The following DDR2 variants were observed in gnomAD, a reference collection of about 807,000 sequenced individuals.
DDR2 encodes the protein discoidin domain receptor tyrosine kinase 2, also known as discoidin domain-containing receptor 2.
Under a neutral mutation model 94.9 loss-of-function variants are expected in DDR2, and 27 were observed. That is an observed-to-expected ratio of 0.28 (90% CI 0.21 to 0.39). The LOEUF (loss-of-function observed/expected upper bound fraction) is 0.39. Among genes scored for constraint, DDR2 ranks in the 10% least tolerant of loss-of-function variants. The pLI, the probability that DDR2 is intolerant of heterozygous loss-of-function variation, is 1.00. For missense variants in DDR2, 783 were observed against 1,076.0 expected, an observed-to-expected ratio of 0.73 and a Z score of 3.81; for synonymous variants, 382 against 377.2, an observed-to-expected ratio of 1.01 and a Z score of -0.15.
intron 2 of DDR2, among the ~76,000 whole-genome samples, chr1:162,712,177 A>G (rs1660947495): frequency 6.7e-6 from 1 of 149,354 alleles, no homozygotes; most frequent in Non-Finnish European, 1.5e-5. Flanking sequence ...ATATGGTGTC[A>G]TGTGTGTACA....
chr1:162,739,265 A>G (rs1464273163), intron 3 of DDR2, among the ~76,000 whole-genome samples: 1 of 151,524 alleles, frequency 6.6e-6, no homozygotes, highest in Non-Finnish European at 1.5e-5. Context: ...TTTACAAGAA[A>G]AAAACAAACA....
chr1:162,700,073 C>CT (rs1296245134), intron 2 of DDR2, among the ~76,000 whole-genome samples: 1 of 152,208 alleles, frequency 6.6e-6, no homozygotes, highest in African/African-American at 2.4e-5. Flanking sequence ...GGTAGTTACT[C>CT]ATGAGAGAGC....
rs771256890 is a variant in DDR2 at position 162,770,531 on chromosome 1, G to T, written c.1504+19G>T. ...GAGTCAGGTGAGGATGATGTGGTGGGCAGGGTGTCAAGGGAGAAACCTCAG... is the reference window on the plus strand; with the variant it reads ...GAGTCAGGTGAGGATGATGTGGTGGTCAGGGTGTCAAGGGAGAAACCTCAG... On this transcript the variant is annotated intron_variant, in intron 12 of 17. Coordinates refer to ENST00000367921, the MANE Select transcript of DDR2 (RefSeq NM_006182.4). 3.1e-6 allele frequency: 5 copies of T among 1,612,806 alleles called. No individual in the cohort carries two copies. The highest frequency in any genetic ancestry group is 1.7e-6 in the Non-Finnish European group (2 of 1,178,980).
intron 2 of DDR2, among the ~76,000 whole-genome samples, chr1:162,656,833 G>GTTGTTTT (rs1657990644): frequency 3.0e-5 from 2 of 65,682 alleles, no homozygotes; most frequent in African/African-American, 9.8e-5. Context: ...TGCCACTGGA[G>GTTGTTTT]TTTTTTTTTT....
At chr1:162,740,886 G>C (rs1182470029) in intron 3 of DDR2, among the ~76,000 whole-genome samples, 1 of 152,094 alleles carries the variant, frequency 6.6e-6, no homozygotes, top group East Asian at 1.9e-4. Context: ...GAAGACACTA[G>C]AGAACAGCTC....
chr1:162,705,312 G>A (rs1376270384), intron 2 of DDR2, among the ~76,000 whole-genome samples: 5 of 152,294 alleles, frequency 3.3e-5, no homozygotes, highest in Admixed American at 2.0e-4. Flanking sequence ...TTCCAGCTAC[G>A]AGCCAATGGA....
At chr1:162,711,906 G>C (rs1660934008) in intron 2 of DDR2, among the ~76,000 whole-genome samples, 1 of 152,002 alleles carries the variant, frequency 6.6e-6, no homozygotes, top group Admixed American at 6.6e-5. Context: ...TTGCAGTAGG[G>C]CTTGTGTTTT....
intron 13 of DDR2, 126 bp from the exon 14 acceptor site, chr1:162,773,343 T>C (rs1289190391): frequency 7.9e-7 from 1 of 1,273,598 alleles, no homozygotes; most frequent in Non-Finnish European, 1.1e-6. Context: ...ACATATCTTC[T>C]TATTGGTCTT....
At chr1:162,686,186 C>T (rs1483224828) in intron 2 of DDR2, among the ~76,000 whole-genome samples, 1 of 147,976 alleles carries the variant, frequency 6.8e-6, no homozygotes, top group Admixed American at 6.8e-5. Context: ...GCACCATGCC[C>T]AGCTAATTTT....
chr1:162,755,058 G>A (rs142828577), intron 5 of DDR2, 98 bp from the exon 6 acceptor site: 19,663 of 1,557,422 alleles, frequency 0.013, 150 homozygotes, highest in Non-Finnish European at 0.016. Context: ...TCTGCTCCTC[G>A]AATTAAGAAG....
At chr1:162,720,704 A>T (rs1661381398) in intron 3 of DDR2, among the ~76,000 whole-genome samples, 1 of 152,130 alleles carries the variant, frequency 6.6e-6, no homozygotes, top group African/African-American at 2.4e-5. Flanking sequence ...CATATGATAT[A>T]CTATTCTGCA....
At chr1:162,658,177 G>A (rs556653788) in intron 2 of DDR2, among the ~76,000 whole-genome samples, 8 of 152,122 alleles carry the variant, frequency 5.3e-5, no homozygotes, top group African/African-American at 1.4e-4. Flanking sequence ...TGTGTTTCTC[G>A]CAAGTCTCTG....
chr1:162,742,605 C>T (rs1406717649), intron 3 of DDR2, among the ~76,000 whole-genome samples: 1 of 152,244 alleles, frequency 6.6e-6, no homozygotes, highest in Non-Finnish European at 1.5e-5. Flanking sequence ...ACCCTACCTC[C>T]TCTCCCACCC....
intron 3 of DDR2, among the ~76,000 whole-genome samples, chr1:162,729,007 G>A (rs1359429526): frequency 6.6e-6 from 1 of 151,782 alleles, no homozygotes; most frequent in East Asian, 1.9e-4. Context: ...AATGGGCTTT[G>A]GAAAATTACA....
At chr1:162,741,042 A>G (rs1291280509) in intron 3 of DDR2, among the ~76,000 whole-genome samples, 2 of 152,014 alleles carry the variant, frequency 1.3e-5, no homozygotes, top group Non-Finnish European at 2.9e-5. Flanking sequence ...ATCTACGTCA[A>G]TCCCTACTAC....
At chr1:162,707,189 T>A (rs750441726) in intron 2 of DDR2, among the ~76,000 whole-genome samples, 1 of 152,130 alleles carries the variant, frequency 6.6e-6, no homozygotes, top group Non-Finnish European at 1.5e-5. Flanking sequence ...TGTTCTACCA[T>A]GCCTAACATC....
At chr1:162,725,034 G>T (rs1208272109) in intron 3 of DDR2, among the ~76,000 whole-genome samples, 1 of 152,054 alleles carries the variant, frequency 6.6e-6, no homozygotes, top group Non-Finnish European at 1.5e-5. Flanking sequence ...AGCCCTCTTG[G>T]TTGTGCCAAA....
chr1:162,695,717 A>G (rs1166200148), intron 2 of DDR2, among the ~76,000 whole-genome samples: 1 of 152,250 alleles, frequency 6.6e-6, no homozygotes, highest in South Asian at 2.1e-4. Flanking sequence ...TTGGAGAATC[A>G]TAAATGTTTG....
chr1:162,727,836 C>A (rs1468206763), intron 3 of DDR2, among the ~76,000 whole-genome samples: 1 of 149,328 alleles, frequency 6.7e-6, no homozygotes, highest in Non-Finnish European at 1.5e-5. Context: ...GTCTTAACTT[C>A]TACTTTACTG....
Sources: allele counts gnomAD v4.1 joint callset (sites outside exome capture counted in the v4.1 genomes callset), GRCh38; gene constraint gnomAD v4.1.1; transcripts MANE v1.5; gene names NCBI Gene and HGNC (gene_info 2026-07-23, HGNC 2026-07-21).